Variants in FAM83B observed in about 807,000 individuals in gnomAD.
FAM83B encodes protein FAM83B.
In FAM83B, 26 loss-of-function variants were observed where a neutral mutation model predicts 38.8. The observed-to-expected ratio is 0.67, with a 90% CI of 0.49 to 0.93. FAM83B has a LOEUF of 0.93. Among genes scored for constraint, FAM83B ranks in the 40% least tolerant of loss-of-function variants. FAM83B has a pLI of 0.00. For missense variants in FAM83B, 1,237 were observed against 1,197.3 expected (o/e 1.03, Z -0.49); for synonymous variants, 419 against 423.1 (o/e 0.99, Z 0.12).
chr6:54,882,929 A>G (rs959873172), intron 2 of FAM83B, among the ~76,000 whole-genome samples: 2 of 151,700 alleles, frequency 1.3e-5, no homozygotes, highest in Non-Finnish European at 2.9e-5. Context: ...TATTATTGTC[A>G]CTTTATTTTT....
intron 1 of FAM83B, among the ~76,000 whole-genome samples, chr6:54,864,067 T>G (rs539253205): frequency 6.6e-6 from 1 of 152,360 alleles, no homozygotes; most frequent in African/African-American, 2.4e-5. Context: ...TTATTTTTTC[T>G]TAATGAATTT....
At chr6:54,892,475 A>T (rs913342391) in intron 2 of FAM83B, among the ~76,000 whole-genome samples, 12 of 151,740 alleles carry the variant, frequency 7.9e-5, no homozygotes, top group African/African-American at 2.9e-4. Context: ...CTATATGTCC[A>T]TGTGTTCTCA....
At chr6:54,907,179 C>T (rs918821126) in intron 2 of FAM83B, among the ~76,000 whole-genome samples, 1 of 152,098 alleles carries the variant, frequency 6.6e-6, no homozygotes, top group Non-Finnish European at 1.5e-5. Context: ...ATTCCAGCCT[C>T]TTTTGTTGTT....
intron 2 of FAM83B, among the ~76,000 whole-genome samples, chr6:54,879,293 G>A (rs1772070337): frequency 6.6e-6 from 1 of 152,198 alleles, no homozygotes; most frequent in Admixed American, 6.5e-5. Flanking sequence ...CAGATGCAAA[G>A]GAGTGGGTAA....
chr6:54,903,176 G>C (rs990798011), intron 2 of FAM83B, among the ~76,000 whole-genome samples: 1 of 151,916 alleles, frequency 6.6e-6, no homozygotes, highest in Non-Finnish European at 1.5e-5. Context: ...CATTATATAC[G>C]TGTACCATAA....
chr6:54,869,023 A>T (rs1302549774), intron 1 of FAM83B, among the ~76,000 whole-genome samples: 1 of 152,188 alleles, frequency 6.6e-6, no homozygotes, highest in Non-Finnish European at 1.5e-5. Context: ...AAAGACTGGA[A>T]AGTCCATCAT....
chr6:54,856,775 G>C (rs1266032352), intron 1 of FAM83B, among the ~76,000 whole-genome samples: 1 of 152,162 alleles, frequency 6.6e-6, no homozygotes, highest in Admixed American at 6.5e-5. Flanking sequence ...TGATACAGCT[G>C]TCTAGGCAGG....
chr6:54,877,530 C>A (rs1772028425), intron 2 of FAM83B, among the ~76,000 whole-genome samples: 1 of 152,186 alleles, frequency 6.6e-6, no homozygotes, highest in Non-Finnish European at 1.5e-5. Context: ...AGTCACTCTT[C>A]AAATTATCTT....
intron 2 of FAM83B, among the ~76,000 whole-genome samples, chr6:54,908,637 A>G (rs1772830696): frequency 6.6e-6 from 1 of 152,176 alleles, no homozygotes; most frequent in Admixed American, 6.6e-5. Context: ...ATAGCTCATC[A>G]TAGAGACAAT....
At chr6:54,847,985 G>C (rs1018820274) in intron 1 of FAM83B, among the ~76,000 whole-genome samples, 1 of 151,958 alleles carries the variant, frequency 6.6e-6, no homozygotes, top group Admixed American at 6.6e-5. Flanking sequence ...CCTAACAAGT[G>C]CAAGAGCCCC....
intron 2 of FAM83B, among the ~76,000 whole-genome samples, chr6:54,889,149 A>T (rs1772345672): frequency 6.6e-6 from 1 of 151,964 alleles, no homozygotes; most frequent in South Asian, 2.1e-4. Context: ...CTTTCTTGGC[A>T]TCTGTTGTCT....
Position 54,943,799 on chromosome 6 carries a change from G to A in FAM83B, c.*1792G>A, listed in dbSNP as rs1260234439. ...CTGAAATGGAAAGCCCTGAAATTTA[G>A]TGCAATGTAACTTTAAAACTGAAAT... On this transcript the variant is annotated 3_prime_UTR_variant, in exon 5 of 5. Coordinates refer to ENST00000306858, the MANE Select transcript of FAM83B (RefSeq NM_001010872.3). 1 of 152,150 alleles carries A rather than the reference G, an allele frequency of 6.6e-6. No individual in the cohort carries two copies. The highest frequency in any genetic ancestry group is 6.5e-5 in the Admixed American group (1 of 15,268). The allele number at this position is 152,150 out of a possible 1,614,324, so 9.4% of individuals were successfully genotyped here. A position where few individuals can be genotyped will look rare whatever the true frequency, so the allele number is the denominator to read the frequency against.
At chr6:54,928,930 T>C (rs1189341849) in intron 4 of FAM83B, among the ~76,000 whole-genome samples, 1 of 152,052 alleles carries the variant, frequency 6.6e-6, no homozygotes, top group African/African-American at 2.4e-5. Context: ...TGGGGGAAAA[T>C]CAAACAGCAG....
In FAM83B at chr6:54,940,048, A is replaced by T. The variant is rs1229951101; in HGVS notation, c.1077A>T (p.Lys359Asn). The T allele has an allele frequency of 6.2e-7, 1 of 1,613,930 alleles. No individual in the cohort carries two copies. The highest frequency in any genetic ancestry group is 1.7e-5 in the Admixed American group (1 of 59,966). The stretch of plus-strand genomic sequence containing the variant: ...ATAACATAAGAAGTCACGGATACAA[A>T]CCTCATTTTGTTCCTAACTTTAATG... ...DKYNIRSHGY[K>N]PHFVPNFNGP... is the part of the protein sequence containing the mutation. Residue 359 changes from lysine to asparagine, a missense_variant, in exon 5 of 5, where the codon AAA becomes AAT. Transcript: ENST00000306858.
chr6:54,871,555 C>CAAT (rs3064912), intron 2 of FAM83B, among the ~76,000 whole-genome samples: 47,821 of 126,840 alleles, frequency 0.38, 9,314 homozygotes, highest in Non-Finnish European at 0.4. Flanking sequence ...CTCGTCTCTA[C>CAAT]AATAATAATA....
intron 3 of FAM83B, among the ~76,000 whole-genome samples, chr6:54,926,827 G>A (rs1362920792): frequency 6.6e-6 from 1 of 152,008 alleles, no homozygotes; most frequent in Non-Finnish European, 1.5e-5. Flanking sequence ...CCGCCTCCCA[G>A]GTCAAGCAAT....
rs765802493 is a variant in FAM83B, at chr6:54,940,281, A to G, written c.1310A>G (p.His437Arg). The change falls in exon 5 of 5, where the codon CAC becomes CGC. Residue 437 changes from histidine to arginine, a missense_variant. Coordinates refer to ENST00000306858, the MANE Select transcript of FAM83B (RefSeq NM_001010872.3). ...TCACGGGAAGGCTATGTAAGCCACC[A>G]CAACACACCTGCCCAGAGTTTTGCC... ...SSSREGYVSH[H>R]NTPAQSFANR... 3.6e-5 allele frequency: 58 copies of G among 1,613,958 alleles called. 2 individuals carry two copies. In the South Asian group the frequency reaches 6.0e-4, roughly 17 times the overall value.
chr6:54,913,230 A>G (rs1772954004), intron 2 of FAM83B, among the ~76,000 whole-genome samples: 1 of 152,136 alleles, frequency 6.6e-6, no homozygotes, highest in Non-Finnish European at 1.5e-5. Context: ...TAAATTAAAA[A>G]TAATGGCTTG....
At chr6:54,877,063 A>T (rs1772013999) in intron 2 of FAM83B, among the ~76,000 whole-genome samples, 1 of 152,214 alleles carries the variant, frequency 6.6e-6, no homozygotes. Flanking sequence ...AAACACCTAA[A>T]TTCCAGAGGG....
Sources: gnomAD v4.1 joint callset for allele counts (sites outside exome capture counted in the v4.1 genomes callset) on GRCh38, gnomAD v4.1.1 for gene constraint, MANE v1.5 for transcripts, NCBI Gene and HGNC (gene_info 2026-07-23, HGNC 2026-07-21) for gene names.